The following SHC3 variants were observed in gnomAD, a reference collection of about 807,000 sequenced individuals.
SHC3 encodes the protein SHC-transforming protein 3.
Under a neutral mutation model 60.4 loss-of-function variants are expected in SHC3, and 15 were observed. That is an observed-to-expected ratio of 0.25 (90% CI 0.17 to 0.38). The LOEUF (loss-of-function observed/expected upper bound fraction) is 0.38. Among genes scored for constraint, SHC3 ranks in the 10% least tolerant of loss-of-function variants. The pLI is 1.00. For missense variants in SHC3, 677 were observed against 786.1 expected (o/e 0.86, Z 1.66); for synonymous variants, 294 against 325.9 (o/e 0.90, Z 1.05).
chr9:89,037,546 A>G (rs1480805158), intron 11 of SHC3: 5 of 716,804 alleles, frequency 7.0e-6, no homozygotes, highest in South Asian at 4.4e-5. Flanking sequence ...AAAACAAGAG[A>G]CTTAGCAATG....
intron 2 of SHC3, among the ~76,000 whole-genome samples, chr9:89,099,921 T>C (rs1825758647): frequency 1.3e-5 from 2 of 152,220 alleles, no homozygotes; most frequent in African/African-American, 4.8e-5. Context: ...AATGAATACA[T>C]TTTGATTCAC....
chr9:89,061,823 C>T (rs533783187), intron 6 of SHC3, among the ~76,000 whole-genome samples: 33 of 152,190 alleles, frequency 2.2e-4, no homozygotes, highest in Non-Finnish European at 4.1e-4. Context: ...CCCAAGTATT[C>T]GCACTGCATA....
chr9:89,009,764 T>G lies in SHC3; in HGVS notation c.*3683A>C, dbSNP rs1825991743. On this transcript the variant is annotated 3_prime_UTR_variant, in exon 12 of 12. Coordinates refer to ENST00000375835, the MANE Select transcript of SHC3 (RefSeq NM_016848.6). ...CCAGCTCAGCCCAACAGAAAAGAAATGTGTGACTGCCTTCAGGTAGCAGCC... is the reference window on the plus strand; with the variant it reads ...CCAGCTCAGCCCAACAGAAAAGAAAGGTGTGACTGCCTTCAGGTAGCAGCC... 1 of 152,160 alleles carries G rather than the reference T, an allele frequency of 6.6e-6. No homozygotes were observed. Among genetic ancestry groups the G allele is most frequent in the Non-Finnish European group, 1.5e-5 (1 of 68,050 alleles). The allele number at this position is 152,160 out of a possible 1,614,324, so 9.4% of individuals were successfully genotyped here. A position where few individuals can be genotyped will look rare whatever the true frequency, so the allele number is the denominator to read the frequency against.
chr9:89,101,655 AT>A (rs1199726947), intron 2 of SHC3, among the ~76,000 whole-genome samples: 2 of 151,206 alleles, frequency 1.3e-5, no homozygotes, highest in East Asian at 3.9e-4. Context: ...AATTACACTG[AT>A]TTTTTTTAAT....
At chr9:89,047,860 G>T (rs2117911754) in intron 7 of SHC3, among the ~76,000 whole-genome samples, 1 of 152,314 alleles carries the variant, frequency 6.6e-6, no homozygotes, top group Non-Finnish European at 1.5e-5. Context: ...TATGACCACA[G>T]AATTTCACTC....
At chr9:89,135,758 T>C (rs977805097) in intron 1 of SHC3, among the ~76,000 whole-genome samples, 1 of 152,154 alleles carries the variant, frequency 6.6e-6, no homozygotes. Flanking sequence ...CTCAGAAGAA[T>C]TGAGATGGAT....
At chr9:89,175,691 T>C (rs1416550774) in intron 1 of SHC3, among the ~76,000 whole-genome samples, 2 of 152,228 alleles carry the variant, frequency 1.3e-5, no homozygotes, top group Non-Finnish European at 2.9e-5. Flanking sequence ...ATGCATCCTT[T>C]CCCAAACCCT....
In SHC3 at chr9:89,178,202, C is replaced by G; in HGVS notation, c.259G>C (p.Ala87Pro). ...SSSGLRGLSS[A>P]ARERAGARLS... The stretch of plus-strand genomic sequence containing the variant: ...CGCGCGCCCGCCCGCTCCCGGGCGG[C>G]CGACGACAGGCCGCGGAGGCCCGAG... Residue 87 changes from alanine (A) to proline (P), a missense_variant, in exon 1 of 12, where the codon GCC (alanine) becomes CCC (proline). Physicochemically the swap from Ala to Pro is conservative, Grantham distance 27 (BLOSUM62 -1). Transcript: ENST00000375835. The surrounding 1 kb of genome is among the most constrained non-coding windows in gnomAD (Gnocchi z 6.9). The G allele has an allele frequency of 7.1e-7, 1 of 1,413,178 alleles. No homozygotes were observed. The highest frequency in any genetic ancestry group is 9.2e-7 in the Non-Finnish European group (1 of 1,082,374). 87.5% of individuals were successfully genotyped at this position (1,413,178 alleles called of 1,614,324 possible). A position where few individuals can be genotyped will look rare whatever the true frequency, so the allele number is the denominator to read the frequency against.
intron 1 of SHC3, among the ~76,000 whole-genome samples, chr9:89,159,657 G>C (rs1218256291): frequency 6.6e-6 from 1 of 152,210 alleles, no homozygotes; most frequent in Non-Finnish European, 1.5e-5. Flanking sequence ...TGCAAGCTGA[G>C]GAGCAAGGAG....
intron 2 of SHC3, among the ~76,000 whole-genome samples, chr9:89,104,090 T>C (rs1034139179): frequency 2.6e-5 from 4 of 152,216 alleles, no homozygotes; most frequent in African/African-American, 7.2e-5. Flanking sequence ...ATTCATTTTA[T>C]GGATTCTATT....
rs150276928 is a variant in SHC3 at position 89,156,830 on chromosome 9, G to A, written c.474+21157C>T. Among the ~76,000 whole-genome samples, 463 of 152,218 alleles carry A rather than the reference G, an allele frequency of 3.0e-3. 4 individuals carry two copies. Among genetic ancestry groups the A allele is most frequent in the African/African-American group, 9.7e-3 (402 of 41,536 alleles). ...ACCAGAGCTCACCTTCTTTTCTGCCGATCACACATTCTTAGACAAAGCTTT... is the reference window on the plus strand; with the variant it reads ...ACCAGAGCTCACCTTCTTTTCTGCCAATCACACATTCTTAGACAAAGCTTT... On this transcript the variant is annotated intron_variant, in intron 1 of 11. Coordinates refer to ENST00000375835, the MANE Select transcript of SHC3 (RefSeq NM_016848.6).
At chr9:89,108,965 T>C (rs1028579520) in intron 2 of SHC3, 1 of 723,758 alleles carries the variant, frequency 1.4e-6, no homozygotes, top group African/African-American at 1.9e-5. Context: ...TACACATCAT[T>C]TAACTGGGCA....
intron 11 of SHC3, among the ~76,000 whole-genome samples, chr9:89,024,475 C>A (rs1429733173): frequency 6.6e-6 from 1 of 152,124 alleles, no homozygotes; most frequent in African/African-American, 2.4e-5. Flanking sequence ...CCTGCTCAGT[C>A]CAGTGCAGTG....
intron 1 of SHC3, among the ~76,000 whole-genome samples, chr9:89,124,682 T>C (rs1365689835): frequency 6.6e-6 from 1 of 151,684 alleles, no homozygotes; most frequent in Non-Finnish European, 1.5e-5. Context: ...CACCGGGGCC[T>C]GTCAGGGGGT....
chr9:89,085,617 C>T (rs902159626), intron 2 of SHC3, among the ~76,000 whole-genome samples: 2 of 152,222 alleles, frequency 1.3e-5, no homozygotes, highest in Non-Finnish European at 2.9e-5. Flanking sequence ...CTGAGCCACA[C>T]AGACATTTTC....
intron 5 of SHC3, among the ~76,000 whole-genome samples, chr9:89,070,144 G>A (rs1043147991): frequency 6.6e-6 from 1 of 152,092 alleles, no homozygotes; most frequent in African/African-American, 2.4e-5. Flanking sequence ...ATATTAAAAG[G>A]CTATTGAACA....
Position 89,042,117 on chromosome 9 carries a change from G to A in SHC3, c.1269C>T (p.Thr423=), listed in dbSNP as rs745567389. ...GTGGGATCTGCTGAGTGTTGACGTA[G>A]GTGGGTGCTTCTCCCGTGGGGGCCA... ...LHVAPTGEAP[T]YVNTQQIPPQ... The change falls in exon 10 of 12, where the codon ACC becomes ACT. Residue 423 remains threonine (T), a synonymous_variant. Coordinates refer to ENST00000375835, the MANE Select transcript of SHC3 (RefSeq NM_016848.6). 33 of 1,583,404 alleles carry A rather than the reference G, an allele frequency of 2.1e-5. No homozygotes were observed. Among genetic ancestry groups the A allele is most frequent in the South Asian group, 1.8e-4 (15 of 85,640 alleles).
chr9:89,057,315 CTTTT>C (rs10606274), intron 6 of SHC3, among the ~76,000 whole-genome samples: 68 of 133,716 alleles, frequency 5.1e-4, no homozygotes, highest in Non-Finnish European at 5.9e-4. Flanking sequence ...TTTCCTTTTT[CTTTT>C]TTTTTTTTTT....
rs539787209 is a variant in SHC3 at position 89,076,846 on chromosome 9, T to C, written c.609+994A>G. Among the ~76,000 whole-genome samples, 128 of 152,268 alleles carry C rather than the reference T, an allele frequency of 8.4e-4. No homozygotes were observed. The South Asian group carries it at 0.015, about 18-fold the overall frequency. ...AATCACAGCTGTTATTAAAAATGAA[T>C]GTATGTAAACTTACAATTAAATAAA... On this transcript the variant is annotated intron_variant, in intron 3 of 11. Coordinates refer to ENST00000375835, the MANE Select transcript of SHC3 (RefSeq NM_016848.6).
Sources: gnomAD v4.1 joint callset for allele counts (sites outside exome capture counted in the v4.1 genomes callset) on GRCh38, gnomAD v4.1.1 for gene constraint, Gnocchi (gnomAD v3.1) non-coding constraint, MANE v1.5 for transcripts, NCBI Gene and HGNC (gene_info 2026-07-23, HGNC 2026-07-21) for gene names.